Variants in SHISA9 observed in about 807,000 individuals in gnomAD.
SHISA9 encodes shisa family member 9.
In SHISA9, 13 loss-of-function variants were observed where a neutral mutation model predicts 38.0. The observed-to-expected ratio is 0.34, with a 90% CI of 0.22 to 0.54. The LOEUF is 0.54. Ranked by LOEUF, SHISA9 falls within the 20% of genes least tolerant of loss-of-function variation. The pLI is 0.91. For synonymous variants in SHISA9, 275 were observed against 242.0 expected, an observed-to-expected ratio of 1.14 and a Z score of -1.27; for missense variants, 538 against 575.8, an observed-to-expected ratio of 0.93 and a Z score of 0.67.
intron 2 of SHISA9, among the ~76,000 whole-genome samples, chr16:13,065,839 G>A (rs2073428316): frequency 6.6e-6 from 1 of 152,240 alleles, no homozygotes; most frequent in African/African-American, 2.4e-5. Context: ...CTCTGAGCTA[G>A]ACCTTGACAA....
the SHISA9 span, among the ~76,000 whole-genome samples, chr16:13,430,744 C>CAA: frequency 7.0e-6 from 1 of 143,746 alleles, no homozygotes; most frequent in African/African-American, 2.6e-5. Flanking sequence ...CATCTCTAAA[C>CAA]AAAAAAAAAA....
intron 1 of SHISA9, chr16:12,911,212 C>G (rs1465319798): frequency 2.0e-6 from 2 of 978,026 alleles, no homozygotes; most frequent in Non-Finnish European, 1.2e-6. Flanking sequence ...CTTATTGATT[C>G]AGAATCTGCA....
At chr16:13,555,310 T>C in the SHISA9 span, among the ~76,000 whole-genome samples, 1 of 152,176 alleles carries the variant, frequency 6.6e-6, no homozygotes, top group Non-Finnish European at 1.5e-5. Context: ...TCTGGGCTTA[T>C]AAACGTTAAT....
chr16:13,368,211 G>C, the SHISA9 span, among the ~76,000 whole-genome samples: 2 of 152,122 alleles, frequency 1.3e-5, no homozygotes, highest in African/African-American at 4.8e-5. Flanking sequence ...AAATTGTAGG[G>C]ATGATTTTGT....
chr16:13,094,602 A>G (rs2073807941), intron 2 of SHISA9, among the ~76,000 whole-genome samples: 1 of 152,194 alleles, frequency 6.6e-6, no homozygotes, highest in South Asian at 2.1e-4. Context: ...TGTCAATACC[A>G]CACATACTGT....
the SHISA9 span, among the ~76,000 whole-genome samples, chr16:13,466,338 G>A: frequency 2.6e-5 from 4 of 152,202 alleles, no homozygotes; most frequent in African/African-American, 9.6e-5. Flanking sequence ...CGCAATGGCA[G>A]TAAGGAAGAG....
chr16:13,156,600 G>A (rs1341661638), intron 2 of SHISA9, among the ~76,000 whole-genome samples: 2 of 152,046 alleles, frequency 1.3e-5, no homozygotes, highest in Admixed American at 6.5e-5. Context: ...CAGGCATGGT[G>A]GTGGGCGCCT....
chr16:13,119,110 C>T (rs1821918), intron 2 of SHISA9, among the ~76,000 whole-genome samples: 6,890 of 152,080 alleles, frequency 0.045, 258 homozygotes, highest in East Asian at 0.17. Context: ...TCAGGTGATC[C>T]GCCCACTTCG....
chr16:13,497,592 C>A, the SHISA9 span, among the ~76,000 whole-genome samples: 1 of 148,880 alleles, frequency 6.7e-6, no homozygotes, highest in Non-Finnish European at 1.5e-5. Flanking sequence ...AACTGAGGCA[C>A]GAGAATTGCT....
chr16:13,052,963 T>C (rs1000195889), intron 2 of SHISA9, among the ~76,000 whole-genome samples: 34 of 144,566 alleles, frequency 2.4e-4, no homozygotes, highest in South Asian at 4.6e-4. Context: ...TCCTTTCTTT[T>C]TTTTTTTTTT....
chr16:13,364,164 T>C, the SHISA9 span, among the ~76,000 whole-genome samples: 2 of 152,234 alleles, frequency 1.3e-5, no homozygotes, highest in Non-Finnish European at 2.9e-5. Context: ...TGGCTTAGCA[T>C]TGAACTGACA....
At chr16:13,480,475 G>A in the SHISA9 span, among the ~76,000 whole-genome samples, 1 of 152,152 alleles carries the variant, frequency 6.6e-6, no homozygotes, top group Non-Finnish European at 1.5e-5. Context: ...CACTGTGTCA[G>A]CGTGCACCTT....
the SHISA9 span, among the ~76,000 whole-genome samples, chr16:13,413,644 T>TGCTCAGGGAGGC: frequency 6.6e-6 from 1 of 150,864 alleles, no homozygotes; most frequent in African/African-American, 2.4e-5. Context: ...TAATCCCAGC[T>TGCTCAGGGAGGC]GCTCAGGGAG....
chr16:12,992,511 G>A (rs2072400757), intron 2 of SHISA9, among the ~76,000 whole-genome samples: 1 of 151,962 alleles, frequency 6.6e-6, no homozygotes, highest in Non-Finnish European at 1.5e-5. Context: ...CAGCCTGGGC[G>A]ACAGAGTAAG....
chr16:13,465,070 C>T, the SHISA9 span, among the ~76,000 whole-genome samples: 1 of 152,144 alleles, frequency 6.6e-6, no homozygotes, highest in East Asian at 1.9e-4. Context: ...TTCTATACCT[C>T]AGTCTTATTA....
the SHISA9 span, among the ~76,000 whole-genome samples, chr16:13,372,872 C>A: frequency 6.6e-6 from 1 of 151,904 alleles, no homozygotes; most frequent in African/African-American, 2.4e-5. Context: ...CTTTAAAACA[C>A]TTTTTATTAA....
chr16:13,378,460 C>T, the SHISA9 span, among the ~76,000 whole-genome samples: 1 of 152,136 alleles, frequency 6.6e-6, no homozygotes, highest in South Asian at 2.1e-4. Context: ...TAAACCCTGC[C>T]TGCGTCTTGT....
chr16:13,425,821 T>C, the SHISA9 span, among the ~76,000 whole-genome samples: 1 of 152,244 alleles, frequency 6.6e-6, no homozygotes, highest in African/African-American at 2.4e-5. Context: ...TGTTATTTGC[T>C]TGTTTGTTTC....
the SHISA9 span, among the ~76,000 whole-genome samples, chr16:13,490,116 T>C: frequency 6.6e-6 from 1 of 150,510 alleles, no homozygotes; most frequent in African/African-American, 2.4e-5. Flanking sequence ...CCCTGGGAGA[T>C]GTTTGGCTGC....
Sources: gnomAD v4.1 joint callset for allele counts (sites outside exome capture counted in the v4.1 genomes callset) on GRCh38, gnomAD v4.1.1 for gene constraint, MANE v1.5 for transcripts, NCBI Gene and HGNC (gene_info 2026-07-23, HGNC 2026-07-21) for gene names.